ADGRL3: variants seen among roughly 807,000 people sequenced by gnomAD.
ADGRL3 encodes the protein calcium-independent alpha-latrotoxin receptor 3.
In ADGRL3, 62 loss-of-function variants were observed where a neutral mutation model predicts 153.5. The ratio of observed to expected loss-of-function variants is 0.40; its 90% CI spans 0.33 to 0.50. The LOEUF (loss-of-function observed/expected upper bound fraction) is 0.50, where lower values mean the gene tolerates loss of function less well. Ranked by LOEUF, ADGRL3 falls within the 20% of genes least tolerant of loss-of-function variation. ADGRL3 has a pLI of 0.47. For missense variants in ADGRL3, 1,641 were observed against 1,859.4 expected (o/e 0.88, Z 2.16); for synonymous variants, 710 against 672.5 (o/e 1.06, Z -0.86).
At chr4:61,958,377 G>GTTCTTTCTTTCTTTCTTTC (rs1553894040) in intron 17 of ADGRL3, among the ~76,000 whole-genome samples, 8 of 148,054 alleles carry the variant, frequency 5.4e-5, no homozygotes, top group East Asian at 4.0e-4. Context: ...TGTTGTAAAG[G>GTTCTTTCTTTCTTTCTTTC]TTTCTTTCTT....
intron 3 of ADGRL3, among the ~76,000 whole-genome samples, chr4:61,501,600 C>T (rs1278136326): frequency 1.3e-5 from 2 of 152,050 alleles, no homozygotes; most frequent in Non-Finnish European, 2.9e-5. Flanking sequence ...TTACTAATAT[C>T]TAAATAAAAT....
intron 16 of ADGRL3, among the ~76,000 whole-genome samples, chr4:61,947,897 C>G (rs150356434): frequency 6.6e-6 from 1 of 152,116 alleles, no homozygotes; most frequent in African/African-American, 2.4e-5. Context: ...AAATAGTGCA[C>G]TCTTCTCTAG....
intron 13 of ADGRL3, chr4:61,933,893 T>C (rs535753287): frequency 6.6e-6 from 1 of 152,328 alleles, no homozygotes; most frequent in South Asian, 2.1e-4. Context: ...TATTCAACTT[T>C]ATTTCTGGAT....
At chr4:61,508,995 A>G (rs2098447439) in intron 3 of ADGRL3, among the ~76,000 whole-genome samples, 2 of 152,182 alleles carry the variant, frequency 1.3e-5, no homozygotes, top group African/African-American at 4.8e-5. Context: ...TATTATAAGA[A>G]CAGTGTGGAG....
rs867339554 is a variant in ADGRL3, at chr4:61,370,989, C to T, written c.-239-12135C>T. On this transcript the variant is annotated intron_variant, in intron 1 of 26. Coordinates refer to ENST00000683033, the MANE Select transcript of ADGRL3 (RefSeq NM_001387552.1). Reference sequence around the variant, plus strand: ...GATCCCTTTACCATTATGTAATGGCCTTCTTTGTCTCTTTTGATCTTTGTT... The same window carrying T: ...GATCCCTTTACCATTATGTAATGGCTTTCTTTGTCTCTTTTGATCTTTGTT... Among the ~76,000 whole-genome samples, 149 of 151,170 alleles carry T rather than the reference C, an allele frequency of 9.9e-4. No individual in the cohort carries two copies. In the Middle Eastern group the frequency reaches 0.017, roughly 17 times the overall value.
chr4:61,765,854 G>A (rs1392980123), intron 8 of ADGRL3, among the ~76,000 whole-genome samples: 2 of 152,044 alleles, frequency 1.3e-5, no homozygotes, highest in Non-Finnish European at 2.9e-5. Context: ...AATAATCCCT[G>A]AGGAGTAGTA....
chr4:61,735,860 A>T (rs1399016980), intron 8 of ADGRL3, among the ~76,000 whole-genome samples: 1 of 152,122 alleles, frequency 6.6e-6, no homozygotes, highest in Non-Finnish European at 1.5e-5. Flanking sequence ...ACTCAGTTTT[A>T]TTAAGTTGTC....
chr4:61,694,179 ATTTTTTTTTTTTTTTTTTT>A (rs554084495), intron 6 of ADGRL3, among the ~76,000 whole-genome samples: 3 of 26,672 alleles, frequency 1.1e-4, no homozygotes, highest in African/African-American at 3.0e-4. Flanking sequence ...TTTTGTCATT[ATTTTTTTTTTTTTTTTTTT>A]TTTTTTTTTT....
intron 6 of ADGRL3, among the ~76,000 whole-genome samples, chr4:61,696,319 T>C (rs572795072): frequency 1.3e-5 from 2 of 152,274 alleles, no homozygotes; most frequent in African/African-American, 4.8e-5. Flanking sequence ...CTTTCTAGGA[T>C]AGGGTTTTTC....
At chr4:61,205,002 A>G (rs893983364) in intron 1 of ADGRL3, among the ~76,000 whole-genome samples, 1 of 152,192 alleles carries the variant, frequency 6.6e-6, no homozygotes, top group African/African-American at 2.4e-5. Flanking sequence ...AATAGCAAGT[A>G]TGGCACTTAC....
At chr4:61,242,458 T>G (rs974358857) in intron 1 of ADGRL3, among the ~76,000 whole-genome samples, 2 of 152,048 alleles carry the variant, frequency 1.3e-5, no homozygotes, top group Non-Finnish European at 2.9e-5. Flanking sequence ...AATTTTTCTT[T>G]TTTCTATTAT....
At chr4:61,911,511 C>G (rs2098721671) in intron 12 of ADGRL3, among the ~76,000 whole-genome samples, 2 of 152,084 alleles carry the variant, frequency 1.3e-5, no homozygotes, top group Admixed American at 6.5e-5. Context: ...GGCTTGCTCT[C>G]ATTTCCTGTG....
intron 8 of ADGRL3, among the ~76,000 whole-genome samples, chr4:61,751,317 C>T (rs1183341837): frequency 6.6e-6 from 1 of 152,070 alleles, no homozygotes; most frequent in African/African-American, 2.4e-5. Context: ...GTTATTGCCC[C>T]TTATTCACTG....
chr4:61,753,174 C>T (rs995784244), intron 8 of ADGRL3, among the ~76,000 whole-genome samples: 37 of 150,234 alleles, frequency 2.5e-4, no homozygotes, highest in South Asian at 8.4e-4. Flanking sequence ...CTCCCCTCCC[C>T]GAACTCCTCT....
chr4:61,954,794 C>T (rs2098960197), intron 17 of ADGRL3, among the ~76,000 whole-genome samples: 1 of 152,084 alleles, frequency 6.6e-6, no homozygotes, highest in African/African-American at 2.4e-5. Context: ...CAAATATTAC[C>T]TACTCAATGA....
At chr4:61,935,761 A>G (rs997536488) in intron 14 of ADGRL3, among the ~76,000 whole-genome samples, 162 bp from the exon 15 acceptor site, 2 of 152,122 alleles carry the variant, frequency 1.3e-5, no homozygotes, top group Non-Finnish European at 2.9e-5. Context: ...CATTATTTTG[A>G]TAAAATACTA....
At chr4:61,249,742 A>G (rs1180459492) in intron 1 of ADGRL3, among the ~76,000 whole-genome samples, 1 of 152,174 alleles carries the variant, frequency 6.6e-6, no homozygotes, top group Non-Finnish European at 1.5e-5. Context: ...AAAGGAGAGA[A>G]TGGATACTAT....
intron 1 of ADGRL3, among the ~76,000 whole-genome samples, chr4:61,219,812 A>T (rs1744554520): frequency 2.0e-5 from 3 of 152,160 alleles, no homozygotes; most frequent in Non-Finnish European, 4.4e-5. Context: ...AACCTCTGAA[A>T]ATATAAAGTC....
chr4:61,758,251 A>T (rs2096863122), intron 8 of ADGRL3, among the ~76,000 whole-genome samples: 1 of 151,942 alleles, frequency 6.6e-6, no homozygotes. Flanking sequence ...TTTCTGTCTC[A>T]TTGATCTGTC....
Sources: allele counts gnomAD v4.1 joint callset (sites outside exome capture counted in the v4.1 genomes callset), GRCh38; gene constraint gnomAD v4.1.1; transcripts MANE v1.5; gene names NCBI Gene and HGNC (gene_info 2026-07-23, HGNC 2026-07-21).